Variants in GABRG2 observed in about 807,000 individuals in gnomAD.
The protein encoded by GABRG2 is gamma-aminobutyric acid type A receptor subunit gamma2.
Under a neutral mutation model 56.4 loss-of-function variants are expected in GABRG2, and 16 were observed. The observed-to-expected ratio is 0.28, with a 90% CI of 0.19 to 0.43. GABRG2 has a LOEUF of 0.43. GABRG2 is among the 20% of genes least tolerant of loss of function. GABRG2 has a pLI of 1.00. For synonymous variants in GABRG2, 208 were observed against 205.5 expected (o/e 1.01, Z -0.10); for missense variants, 327 against 582.7 (o/e 0.56, Z 4.52).
intron 2 of GABRG2, chr5:162,094,248 G>GA: frequency 2.4e-6 from 1 of 413,602 alleles, no homozygotes; most frequent in Non-Finnish European, 4.4e-6. Flanking sequence ...AGAAGCTGTA[G>GA]GAAAAAAAAA....
At chr5:162,139,923 TGATCAAAGAAATGAG>T (rs1483141467) in intron 6 of GABRG2, among the ~76,000 whole-genome samples, 1 of 152,190 alleles carries the variant, frequency 6.6e-6, no homozygotes, top group Non-Finnish European at 1.5e-5. Context: ...TTTAGTATTC[TGATCAAAGAAATGAG>T]AAAGAAAAAG....
chr5:162,099,293 G>A (rs1761234109), intron 4 of GABRG2: 1 of 152,040 alleles, frequency 6.6e-6, no homozygotes, highest in Non-Finnish European at 1.5e-5. Context: ...TTTTGAGACA[G>A]GGTCTCACTG....
chr5:162,112,897 G>GT (rs1762352691), intron 6 of GABRG2, among the ~76,000 whole-genome samples: 1 of 152,042 alleles, frequency 6.6e-6, no homozygotes, highest in Non-Finnish European at 1.5e-5. Context: ...TGACCAATAT[G>GT]TTAAACATGG....
intron 6 of GABRG2, among the ~76,000 whole-genome samples, chr5:162,127,192 A>T (rs1408820753): frequency 6.6e-6 from 1 of 151,994 alleles, no homozygotes; most frequent in Non-Finnish European, 1.5e-5. Flanking sequence ...AAGCAAAGTT[A>T]TCAAATCTCT....
intron 6 of GABRG2, among the ~76,000 whole-genome samples, chr5:162,129,695 C>T (rs1763591029): frequency 6.6e-6 from 1 of 151,746 alleles, no homozygotes; most frequent in Admixed American, 6.6e-5. Context: ...AAAGGTCAAA[C>T]TAAGAAATAA....
intron 6 of GABRG2, among the ~76,000 whole-genome samples, chr5:162,105,307 G>A (rs1300896881): frequency 6.6e-6 from 1 of 151,864 alleles, no homozygotes; most frequent in African/African-American, 2.4e-5. Flanking sequence ...GTCTCCTAAA[G>A]GTTCTTTTAT....
At chr5:162,087,448 T>TG (rs1424946367) in intron 1 of GABRG2, among the ~76,000 whole-genome samples, 2 of 152,016 alleles carry the variant, frequency 1.3e-5, no homozygotes, top group African/African-American at 2.4e-5. Context: ...AGGAGGCTTT[T>TG]GGGGGGCTTT....
At chr5:162,078,477 G>A (rs967204535) in intron 1 of GABRG2, among the ~76,000 whole-genome samples, 39 of 124,850 alleles carry the variant, frequency 3.1e-4, no homozygotes, top group Non-Finnish European at 5.2e-4. Flanking sequence ...CTTGATCTCC[G>A]CTCACTGCAA....
At chr5:162,109,189 C>A (rs1039637684) in intron 6 of GABRG2, among the ~76,000 whole-genome samples, 1 of 150,904 alleles carries the variant, frequency 6.6e-6, no homozygotes, top group South Asian at 2.1e-4. Flanking sequence ...GGGAATTGAA[C>A]AATGAGAACA....
chr5:162,100,872 A>T (rs937842330), intron 4 of GABRG2, among the ~76,000 whole-genome samples: 1 of 152,328 alleles, frequency 6.6e-6, no homozygotes, highest in Non-Finnish European at 1.5e-5. Context: ...ACAAGCAAAC[A>T]GTAAACGAGC....
At chr5:162,143,620 T>C (rs1405638786) in intron 7 of GABRG2, among the ~76,000 whole-genome samples, 1 of 152,168 alleles carries the variant, frequency 6.6e-6, no homozygotes, top group Non-Finnish European at 1.5e-5. Context: ...GTCAGTAGGG[T>C]GTAATAGCTA....
chr5:162,136,314 T>C (rs999614770), intron 6 of GABRG2, among the ~76,000 whole-genome samples: 1 of 152,208 alleles, frequency 6.6e-6, no homozygotes, highest in Non-Finnish European at 1.5e-5. Flanking sequence ...CTACAATCTG[T>C]ACCGTCCAAT....
chr5:162,101,107 G>A, intron 4 of GABRG2, 128 bp from the exon 5 acceptor site: 1 of 717,828 alleles, frequency 1.4e-6, no homozygotes, highest in Non-Finnish European at 2.4e-6. Flanking sequence ...TTCTTCATTG[G>A]GGATCACTCT....
chr5:162,106,427 G>T (rs17060077), intron 6 of GABRG2, among the ~76,000 whole-genome samples: 16,672 of 152,106 alleles, frequency 0.11, 959 homozygotes, highest in Middle Eastern at 0.13. Context: ...CATTAGTGTT[G>T]ATAACGAAAG....
intron 2 of GABRG2, 142 bp downstream of exon 2, chr5:162,094,121 AGCATTCAG>A: frequency 2.3e-6 from 2 of 878,506 alleles, no homozygotes; most frequent in Non-Finnish European, 3.7e-6. Context: ...GTGTTTAAAT[AGCATTCAG>A]GCCTATGAGT....
At chr5:162,139,503 A>G (rs909606623) in intron 6 of GABRG2, among the ~76,000 whole-genome samples, 1 of 152,240 alleles carries the variant, frequency 6.6e-6, no homozygotes, top group Admixed American at 6.5e-5. Flanking sequence ...CTTGCTGGCA[A>G]AGATGAGAGA....
At chr5:162,109,408 A>ATTTATT (rs1462786855) in intron 6 of GABRG2, among the ~76,000 whole-genome samples, 49 of 135,544 alleles carry the variant, frequency 3.6e-4, no homozygotes, top group African/African-American at 1.2e-3. Context: ...ATATATATAT[A>ATTTATT]TATATATATA....
intron 6 of GABRG2, among the ~76,000 whole-genome samples, chr5:162,107,546 A>G (rs1761925638): frequency 6.6e-6 from 1 of 152,208 alleles, no homozygotes; most frequent in Non-Finnish European, 1.5e-5. Context: ...GAGTCCTTGC[A>G]TCCACCACCT....
chr5:162,097,120 T>C (rs1305187222), intron 3 of GABRG2, among the ~76,000 whole-genome samples: 1 of 152,152 alleles, frequency 6.6e-6, no homozygotes, highest in African/African-American at 2.4e-5. Context: ...GCATATTCTG[T>C]ACTTTGTTTC....
Sources: gnomAD v4.1 joint callset for allele counts (sites outside exome capture counted in the v4.1 genomes callset) on GRCh38, gnomAD v4.1.1 for gene constraint, MANE v1.5 for transcripts, NCBI Gene and HGNC (gene_info 2026-07-23, HGNC 2026-07-21) for gene names.